The following APBA2 variants were observed in gnomAD, a reference collection of about 807,000 sequenced individuals.
APBA2 encodes amyloid beta precursor protein binding family A member 2.
In APBA2, 30 loss-of-function variants were observed where a neutral mutation model predicts 75.0. That is an observed-to-expected ratio of 0.40 (90% CI 0.30 to 0.54). The LOEUF (loss-of-function observed/expected upper bound fraction) is 0.54. Among genes scored for constraint, APBA2 ranks in the 20% least tolerant of loss-of-function variants. APBA2 has a pLI of 0.49. For missense variants in APBA2, 801 were observed against 1,016.1 expected, an observed-to-expected ratio of 0.79 and a Z score of 2.88; for synonymous variants, 444 against 409.6, an observed-to-expected ratio of 1.08 and a Z score of -1.01.
chr15:29,083,680 A>G (rs771527317), intron 6 of APBA2, among the ~76,000 whole-genome samples: 5 of 151,966 alleles, frequency 3.3e-5, no homozygotes, highest in Non-Finnish European at 7.4e-5. Flanking sequence ...ACAGGGGTGC[A>G]CCACCATGGC....
At chr15:28,987,541 A>T (rs2037986399) in intron 2 of APBA2, among the ~76,000 whole-genome samples, 1 of 151,780 alleles carries the variant, frequency 6.6e-6, no homozygotes. Context: ...TCAGTGATTC[A>T]AGAGAGAGTA....
intron 3 of APBA2, among the ~76,000 whole-genome samples, chr15:29,020,793 A>C (rs2039914806): frequency 6.6e-6 from 1 of 152,142 alleles, no homozygotes; most frequent in Admixed American, 6.5e-5. Context: ...CTGGGCAACA[A>C]GAGTGAGACT....
intron 3 of APBA2, among the ~76,000 whole-genome samples, chr15:29,020,894 T>C (rs1456467900): frequency 6.6e-6 from 1 of 152,006 alleles, no homozygotes; most frequent in Non-Finnish European, 1.5e-5. Flanking sequence ...ACAGTGAATA[T>C]ACCCAGCAAA....
chr15:28,932,809 C>A (rs2034632055), intron 2 of APBA2, among the ~76,000 whole-genome samples: 1 of 152,130 alleles, frequency 6.6e-6, no homozygotes, highest in African/African-American at 2.4e-5. Flanking sequence ...AGTGATGGGA[C>A]CTTTGGGAGG....
At chr15:29,062,769 G>A (rs1336365307) in intron 4 of APBA2, among the ~76,000 whole-genome samples, 3 of 152,320 alleles carry the variant, frequency 2.0e-5, no homozygotes, top group East Asian at 3.9e-4. Context: ...CGGGGAGAAA[G>A]CAGAGTGCGG....
At position 29,084,588 on chromosome 15, in the gene APBA2, A is replaced by G. The variant is rs149999114; in HGVS notation, c.1070-8487A>G. ...TAATTTCAATGCTGTTATCACAACT[A>G]AAGTTAATATTTGTTTATGCCATTA... On this transcript the variant is annotated intron_variant, in intron 6 of 14. Transcript: ENST00000683413. Among the ~76,000 whole-genome samples the G allele has an allele frequency of 6.8e-4, 104 of 152,358 alleles. 2 individuals are homozygous for G. The East Asian group carries it at 0.02, about 29-fold the overall frequency.
intron 6 of APBA2, among the ~76,000 whole-genome samples, chr15:29,085,263 T>A (rs994518067): frequency 2.6e-5 from 4 of 152,192 alleles, no homozygotes; most frequent in African/African-American, 9.6e-5. Context: ...CAGTGGCTCA[T>A]GCCTGTAATC....
intron 2 of APBA2, among the ~76,000 whole-genome samples, chr15:28,953,788 G>A (rs914930321): frequency 3.9e-5 from 6 of 152,186 alleles, no homozygotes; most frequent in South Asian, 4.2e-4. Context: ...TTACTGACCC[G>A]TGAGTGTCAG....
chr15:28,987,756 T>G (rs1000120385), intron 2 of APBA2, among the ~76,000 whole-genome samples: 3 of 97,674 alleles, frequency 3.1e-5, no homozygotes, highest in Non-Finnish European at 5.7e-5. Flanking sequence ...ATATATATTC[T>G]TTTTTTTTTT....
intron 2 of APBA2, among the ~76,000 whole-genome samples, chr15:28,980,866 A>G (rs1480316460): frequency 2.6e-5 from 4 of 152,188 alleles, no homozygotes; most frequent in Non-Finnish European, 4.4e-5. Context: ...CCGAGTAGAG[A>G]ACCCAGAAAT....
At position 29,046,627 on chromosome 15, in the gene APBA2, A is replaced by T. The variant is rs2152874519; in HGVS notation, c.-40-7218A>T. 6.6e-6 allele frequency among the ~76,000 whole-genome samples: 1 copy of T among 152,370 alleles called. No individual in the cohort carries two copies. The highest frequency in any genetic ancestry group is 1.5e-5 in the Non-Finnish European group (1 of 68,034). On this transcript the variant is annotated intron_variant, in intron 3 of 14. Transcript: ENST00000683413. This position sits in a 1 kb window ranked among gnomAD's most constrained non-coding sequence, Gnocchi z 5.0. Reference sequence around the variant, plus strand: ...GACCTCCAACATGAGAACCACCTGCAGCTCTAGACCTGGCCTTTGGCCCAC... The same window carrying T: ...GACCTCCAACATGAGAACCACCTGCTGCTCTAGACCTGGCCTTTGGCCCAC...
rs773916156 is a variant in APBA2, at chr15:29,093,107, G to A, written c.1102G>A (p.Asp368Asn). The change falls in exon 7 of 15, where the codon GAC becomes AAC. Residue 368 changes from aspartate to asparagine, a missense_variant. Coordinates refer to ENST00000683413, the MANE Select transcript of APBA2 (RefSeq NM_001353788.2). ...PGPCEPEDLIDGIIFAANYLG... is the reference protein window; with the variant it reads ...PGPCEPEDLINGIIFAANYLG... ...GCCCTGCGAACCAGAAGACCTCATC[G>A]ACGGGATCATCTTTGCTGCCAATTA... The A allele has an allele frequency of 1.2e-6, 2 of 1,614,098 alleles. No individual in the cohort carries two copies. Among genetic ancestry groups the A allele is most frequent in the Admixed American group, 1.7e-5 (1 of 60,010 alleles).
At chr15:29,027,027 G>T (rs1268971354) in intron 3 of APBA2, among the ~76,000 whole-genome samples, 1 of 152,144 alleles carries the variant, frequency 6.6e-6, no homozygotes, top group Non-Finnish European at 1.5e-5. Flanking sequence ...ACATTCTCAG[G>T]GTGTGCCATC....
intron 3 of APBA2, among the ~76,000 whole-genome samples, chr15:29,027,420 A>G (rs540797948): frequency 6.6e-6 from 1 of 152,302 alleles, no homozygotes; most frequent in South Asian, 2.1e-4. Flanking sequence ...TCATTGGCAT[A>G]AAGTTCTGAA....
intron 1 of APBA2, among the ~76,000 whole-genome samples, chr15:28,888,015 G>C (rs1200607574): frequency 6.6e-6 from 1 of 152,158 alleles, no homozygotes; most frequent in Non-Finnish European, 1.5e-5. Flanking sequence ...GCGCTGGAAG[G>C]AGGTGAAACT....
intron 2 of APBA2, among the ~76,000 whole-genome samples, chr15:28,986,763 G>A (rs1256880378): frequency 1.3e-5 from 2 of 152,208 alleles, no homozygotes; most frequent in Non-Finnish European, 2.9e-5. Flanking sequence ...TACTGCTCCT[G>A]GTCCCCTTCT....
intron 9 of APBA2, among the ~76,000 whole-genome samples, chr15:29,100,529 C>T (rs115767899): frequency 1.2e-3 from 178 of 152,332 alleles, no homozygotes; most frequent in African/African-American, 4.0e-3. Context: ...GGGCAAGATG[C>T]TGGCTGGAGA....
At chr15:28,985,020 C>G (rs1224536929) in intron 2 of APBA2, among the ~76,000 whole-genome samples, 1 of 152,176 alleles carries the variant, frequency 6.6e-6, no homozygotes, top group Non-Finnish European at 1.5e-5. Flanking sequence ...GATTGGTGCT[C>G]CCTCTGCCTC....
intron 3 of APBA2, among the ~76,000 whole-genome samples, chr15:29,012,332 A>G (rs1415934079): frequency 1.3e-5 from 2 of 152,176 alleles, no homozygotes; most frequent in African/African-American, 4.8e-5. Context: ...CAGGTATTCT[A>G]TAGAATATCT....
Sources: allele counts gnomAD v4.1 joint callset (sites outside exome capture counted in the v4.1 genomes callset), GRCh38; gene constraint gnomAD v4.1.1; non-coding constraint Gnocchi (gnomAD v3.1); transcripts MANE v1.5; gene names NCBI Gene and HGNC (gene_info 2026-07-23, HGNC 2026-07-21).